Variants in SLC9A9 observed in about 807,000 individuals in gnomAD.
SLC9A9 encodes sodium/hydrogen exchanger 9.
A neutral mutation model predicts 77.8 loss-of-function variants in SLC9A9; 62 were observed. The observed-to-expected ratio is 0.80, with a 90% CI of 0.65 to 0.98. The LOEUF (loss-of-function observed/expected upper bound fraction) is 0.98. Among genes scored for constraint, SLC9A9 ranks in the 50% least tolerant of loss-of-function variants. The pLI, the probability that SLC9A9 is intolerant of heterozygous loss-of-function variation, is 0.00. For missense variants in SLC9A9, 775 were observed against 774.9 expected (o/e 1.00, Z 0.00); for synonymous variants, 320 against 283.5 (o/e 1.13, Z -1.29).
chr3:143,508,183 C>T (rs1394933446), intron 9 of SLC9A9, among the ~76,000 whole-genome samples: 2 of 152,226 alleles, frequency 1.3e-5, no homozygotes, highest in Admixed American at 6.5e-5. Context: ...GGATACTCCA[C>T]TCCATCCACT....
intron 5 of SLC9A9, among the ~76,000 whole-genome samples, chr3:143,677,923 T>A (rs1486311000): frequency 1.3e-5 from 2 of 150,184 alleles, no homozygotes; most frequent in Non-Finnish European, 3.0e-5. Context: ...GCCCCCCTGG[T>A]TCGTGTCATT....
chr3:143,272,346 C>T (rs1020168871), intron 14 of SLC9A9, among the ~76,000 whole-genome samples: 2 of 152,180 alleles, frequency 1.3e-5, no homozygotes, highest in Admixed American at 6.5e-5. Flanking sequence ...AGGCAGTCCC[C>T]TTCACCTGGA....
In SLC9A9 at chr3:143,628,509, G is replaced by A. The variant is rs75672724; in HGVS notation, c.755+23746C>T. On this transcript the variant is annotated intron_variant, in intron 6 of 15. Coordinates refer to ENST00000316549, the MANE Select transcript of SLC9A9 (RefSeq NM_173653.4). Reference sequence around the variant, plus strand: ...TCTTAGTATGTTTCCTACTGAATGAGTGTCGCTAAACACTCTAGTATTTAG... The same window carrying A: ...TCTTAGTATGTTTCCTACTGAATGAATGTCGCTAAACACTCTAGTATTTAG... Among the ~76,000 whole-genome samples, 978 of 152,198 alleles carry A rather than the reference G, an allele frequency of 6.4e-3. 12 individuals carry two copies. Among genetic ancestry groups the A allele is most frequent in the African/African-American group, 0.022 (899 of 41,512 alleles).
At chr3:143,752,724 G>C (rs2006775596) in intron 4 of SLC9A9, among the ~76,000 whole-genome samples, 1 of 151,544 alleles carries the variant, frequency 6.6e-6, no homozygotes, top group Non-Finnish European at 1.5e-5. Flanking sequence ...CTCTGAAAAG[G>C]GCTTTGTACT....
intron 5 of SLC9A9, among the ~76,000 whole-genome samples, chr3:143,653,021 GTAAC>G (rs1458696157): frequency 6.6e-6 from 1 of 152,124 alleles, no homozygotes; most frequent in African/African-American, 2.4e-5. Flanking sequence ...ACCATACTCA[GTAAC>G]TGCTTGATGC....
At chr3:143,418,285 A>C (rs2034233885) in intron 12 of SLC9A9, among the ~76,000 whole-genome samples, 1 of 151,468 alleles carries the variant, frequency 6.6e-6, no homozygotes, top group South Asian at 2.1e-4. Context: ...TCTTATTTGT[A>C]ATGTGGGGAC....
At chr3:143,803,209 C>T (rs1284696279) in intron 2 of SLC9A9, among the ~76,000 whole-genome samples, 1 of 152,204 alleles carries the variant, frequency 6.6e-6, no homozygotes, top group Non-Finnish European at 1.5e-5. Context: ...AATCCCCCCT[C>T]TTCCTCCTGG....
chr3:143,310,097 C>T (rs2030959957), intron 14 of SLC9A9, among the ~76,000 whole-genome samples: 1 of 152,206 alleles, frequency 6.6e-6, no homozygotes, highest in Admixed American at 6.5e-5. Flanking sequence ...AATTTTTAGG[C>T]TTGCTCTTAG....
chr3:143,667,360 C>G (rs1298525814), intron 5 of SLC9A9, among the ~76,000 whole-genome samples: 2 of 152,194 alleles, frequency 1.3e-5, no homozygotes, highest in Non-Finnish European at 2.9e-5. Flanking sequence ...AAATGTTAGA[C>G]TTAAAACCAT....
At chr3:143,586,714 C>A (rs144668263) in intron 6 of SLC9A9, among the ~76,000 whole-genome samples, 2 of 152,190 alleles carry the variant, frequency 1.3e-5, no homozygotes, top group African/African-American at 4.8e-5. Context: ...CATCTCCCTG[C>A]CCATTATTCT....
At chr3:143,569,060 T>C (rs567509645) in intron 8 of SLC9A9, among the ~76,000 whole-genome samples, 1 of 152,216 alleles carries the variant, frequency 6.6e-6, no homozygotes, top group South Asian at 2.1e-4. Context: ...AGTCATAACA[T>C]ATTCCTGGGT....
intron 11 of SLC9A9, among the ~76,000 whole-genome samples, chr3:143,483,844 C>G (rs899299214): frequency 2.8e-4 from 43 of 152,174 alleles, no homozygotes; most frequent in African/African-American, 1.0e-3. Flanking sequence ...TCTTTGAACC[C>G]CTGAGGTGTG....
intron 13 of SLC9A9, among the ~76,000 whole-genome samples, chr3:143,369,253 G>T (rs1002554474): frequency 3.3e-5 from 5 of 152,154 alleles, no homozygotes; most frequent in Non-Finnish European, 7.3e-5. Flanking sequence ...GTCTTAAAGT[G>T]TATATCTATG....
chr3:143,720,959 A>C (rs1934482343), intron 4 of SLC9A9, among the ~76,000 whole-genome samples: 1 of 152,236 alleles, frequency 6.6e-6, no homozygotes, highest in Non-Finnish European at 1.5e-5. Flanking sequence ...CTGCTATCCC[A>C]ACACTTGGGG....
At chr3:143,375,746 A>G (rs575392908) in intron 13 of SLC9A9, among the ~76,000 whole-genome samples, 3 of 152,218 alleles carry the variant, frequency 2.0e-5, no homozygotes, top group Non-Finnish European at 4.4e-5. Flanking sequence ...CAGACTTGTG[A>G]GATAAGTATT....
intron 4 of SLC9A9, among the ~76,000 whole-genome samples, chr3:143,771,285 C>T (rs1472597370): frequency 6.6e-6 from 1 of 152,046 alleles, no homozygotes; most frequent in African/African-American, 2.4e-5. Context: ...TAAATAGAAC[C>T]GATGTTCACT....
chr3:143,798,600 A>G (rs2008457677), intron 2 of SLC9A9, among the ~76,000 whole-genome samples: 1 of 152,146 alleles, frequency 6.6e-6, no homozygotes, highest in Non-Finnish European at 1.5e-5. Context: ...CTAAAATCTA[A>G]GCATTTTATT....
intron 6 of SLC9A9, among the ~76,000 whole-genome samples, chr3:143,606,458 A>ATATATATG (rs1268409935): frequency 6.9e-6 from 1 of 144,488 alleles, no homozygotes; most frequent in Non-Finnish European, 1.5e-5. Flanking sequence ...ATATATATAT[A>ATATATATG]TATGTATATA....
intron 9 of SLC9A9, among the ~76,000 whole-genome samples, chr3:143,496,404 G>T (rs906594968): frequency 1.3e-5 from 2 of 152,158 alleles, no homozygotes; most frequent in African/African-American, 2.4e-5. Context: ...TATCTCTGGA[G>T]GCATTTCTCT....
Sources: allele counts gnomAD v4.1 joint callset (sites outside exome capture counted in the v4.1 genomes callset), GRCh38; gene constraint gnomAD v4.1.1; transcripts MANE v1.5; gene names NCBI Gene and HGNC (gene_info 2026-07-23, HGNC 2026-07-21).